LRP1B: variants seen among roughly 807,000 people sequenced by gnomAD.
The protein encoded by LRP1B is LDL receptor related protein 1B.
Under a neutral mutation model 556.6 loss-of-function variants are expected in LRP1B, and 217 were observed. That is an observed-to-expected ratio of 0.39 (90% CI 0.35 to 0.44). LRP1B has a LOEUF of 0.44. Ranked by LOEUF, LRP1B falls within the 20% of genes least tolerant of loss-of-function variation. The pLI is 1.00. For synonymous variants in LRP1B, 2,047 were observed against 1,865.8 expected (o/e 1.10, Z -2.50); for missense variants, 5,053 against 5,620.8 (o/e 0.90, Z 3.23).
At chr2:141,785,113 C>T (rs6706864) in intron 2 of LRP1B, among the ~76,000 whole-genome samples, 4 of 151,832 alleles carry the variant, frequency 2.6e-5, no homozygotes, top group Non-Finnish European at 5.9e-5. Flanking sequence ...TCAGCAGAGA[C>T]ACATGACTAG....
At chr2:140,875,811 G>A (rs905770814) in intron 25 of LRP1B, among the ~76,000 whole-genome samples, 7 of 152,082 alleles carry the variant, frequency 4.6e-5, no homozygotes, top group Admixed American at 4.6e-4. Context: ...TTATTGGTAT[G>A]TGTTCAAAAA....
intron 20 of LRP1B, among the ~76,000 whole-genome samples, chr2:140,934,769 T>A (rs1277340303): frequency 6.6e-6 from 1 of 152,098 alleles, no homozygotes; most frequent in Admixed American, 6.6e-5. Context: ...CCTCTCTCCA[T>A]CGTTACAAGT....
chr2:141,508,902 C>T lies in LRP1B; in HGVS notation c.206-28369G>A, dbSNP rs943086474. Among the ~76,000 whole-genome samples, 4 of 152,192 alleles carry T rather than the reference C, an allele frequency of 2.6e-5. No homozygotes were observed. In the East Asian group the frequency reaches 7.7e-4, roughly 29 times the overall value. On this transcript the variant is annotated intron_variant, in intron 2 of 90. Coordinates refer to ENST00000389484, the MANE Select transcript of LRP1B (RefSeq NM_018557.3). Reference sequence around the variant, plus strand: ...AGATAATTTGTCCTGATATAAAGTGCTTTCTCCAACAATTAGAGAAATATA... The same window carrying T: ...AGATAATTTGTCCTGATATAAAGTGTTTTCTCCAACAATTAGAGAAATATA...
intron 46 of LRP1B, among the ~76,000 whole-genome samples, chr2:140,535,275 T>C (rs1250433728): frequency 1.3e-5 from 2 of 152,184 alleles, no homozygotes; most frequent in Non-Finnish European, 2.9e-5. Context: ...AGTCAACTTA[T>C]AGTAAATGCA....
In LRP1B at chr2:140,855,493, G is replaced by GGAA. The variant is rs570169727; in HGVS notation, c.4580-3711_4580-3710insTTC. ...GACAGGTAGGTCCCATCTCTACTGG[G>GGAA]AAAAAAAAAAAATTTGAATGGCTTC... On this transcript the variant is annotated intron_variant, in intron 27 of 90. Transcript: ENST00000389484. 4.0e-5 allele frequency among the ~76,000 whole-genome samples: 4 copies of GGAA among 99,404 alleles called. 1 individual carries two copies. The highest frequency in any genetic ancestry group is 1.1e-4 in the Admixed American group (1 of 9,388). 65.2% of individuals were successfully genotyped at this position (99,404 alleles called of 152,430 possible). A position where few individuals can be genotyped will look rare whatever the true frequency, so the allele number is the denominator to read the frequency against.
At chr2:140,985,794 A>G (rs1443264423) in intron 17 of LRP1B, among the ~76,000 whole-genome samples, 3 of 151,968 alleles carry the variant, frequency 2.0e-5, no homozygotes, top group Admixed American at 6.6e-5. Flanking sequence ...TATAGGAAAT[A>G]ATATCATTAA....
In LRP1B at chr2:140,743,401, G is replaced by C. The variant is rs371296620; in HGVS notation, c.5758+25812C>G. 2.6e-5 allele frequency among the ~76,000 whole-genome samples: 4 copies of C among 152,172 alleles called. No individual in the cohort carries two copies. The East Asian group carries it at 7.7e-4, about 29-fold the overall frequency. ...AGAGATTGGAAAAACAGAGAGATTGGAAAAACATACTCTAGATTCAGAATT... is the reference window on the plus strand; with the variant it reads ...AGAGATTGGAAAAACAGAGAGATTGCAAAAACATACTCTAGATTCAGAATT... On this transcript the variant is annotated intron_variant, in intron 35 of 90. Coordinates refer to ENST00000389484, the MANE Select transcript of LRP1B (RefSeq NM_018557.3).
intron 66 of LRP1B, among the ~76,000 whole-genome samples, chr2:140,407,867 A>T (rs1429121076): frequency 6.6e-6 from 1 of 152,050 alleles, no homozygotes; most frequent in Non-Finnish European, 1.5e-5. Flanking sequence ...TATGAAAAAG[A>T]CACATGCACA....
chr2:142,060,580 G>GA (rs1342098321), intron 1 of LRP1B, among the ~76,000 whole-genome samples: 1 of 151,980 alleles, frequency 6.6e-6, no homozygotes, highest in African/African-American at 2.4e-5. Flanking sequence ...GTTTAACACA[G>GA]GAAAAATGGC....
intron 62 of LRP1B, among the ~76,000 whole-genome samples, chr2:140,455,809 A>G (rs1368201931): frequency 6.6e-6 from 1 of 152,176 alleles, no homozygotes; most frequent in African/African-American, 2.4e-5. Flanking sequence ...GACAAAATAT[A>G]GTTTGACAGT....
intron 3 of LRP1B, among the ~76,000 whole-genome samples, chr2:141,318,521 A>T (rs1025865612): frequency 6.6e-6 from 1 of 152,152 alleles, no homozygotes; most frequent in Non-Finnish European, 1.5e-5. Flanking sequence ...CTTTTAAAAT[A>T]TGTACAGAAA....
Position 140,874,995 on chromosome 2 carries a change from G to A in LRP1B, c.4170-6732C>T, listed in dbSNP as rs545265754. 1.6e-3 allele frequency among the ~76,000 whole-genome samples: 243 copies of A among 150,580 alleles called. 1 individual carries two copies. Among genetic ancestry groups the A allele is most frequent in the African/African-American group, 5.8e-3 (238 of 40,752 alleles). On this transcript the variant is annotated intron_variant, in intron 25 of 90. Coordinates refer to ENST00000389484, the MANE Select transcript of LRP1B (RefSeq NM_018557.3). ...ATCGTGCCATTGCCCTATACCCTGTGCAACAAAAGCAAAACTCTGTCTCAA... is the reference window on the plus strand; with the variant it reads ...ATCGTGCCATTGCCCTATACCCTGTACAACAAAAGCAAAACTCTGTCTCAA...
At chr2:140,268,953 A>T (rs2104941303) in intron 86 of LRP1B, among the ~76,000 whole-genome samples, 1 of 152,120 alleles carries the variant, frequency 6.6e-6, no homozygotes, top group South Asian at 2.1e-4. Context: ...CAAATATAGC[A>T]TATGGAAGTA....
chr2:141,796,342 A>ATT (rs1004911223), intron 2 of LRP1B, among the ~76,000 whole-genome samples: 1 of 152,036 alleles, frequency 6.6e-6, no homozygotes, highest in Non-Finnish European at 1.5e-5. Context: ...AAGGTAAACT[A>ATT]TTTGCACACA....
chr2:140,558,560 G>A (rs1302662970), intron 43 of LRP1B, among the ~76,000 whole-genome samples: 4 of 152,136 alleles, frequency 2.6e-5, no homozygotes, highest in African/African-American at 7.2e-5. Context: ...CTATAAGGAA[G>A]TAGATACCTG....
At chr2:140,315,723 T>C (rs1303384023) in intron 82 of LRP1B, among the ~76,000 whole-genome samples, 1 of 152,220 alleles carries the variant, frequency 6.6e-6, no homozygotes, top group Non-Finnish European at 1.5e-5. Context: ...AAGAAAACTT[T>C]AAATTTGTAA....
chr2:140,722,347 C>T (rs569068270), intron 35 of LRP1B, among the ~76,000 whole-genome samples: 1 of 152,240 alleles, frequency 6.6e-6, no homozygotes, highest in East Asian at 1.9e-4. Context: ...TGGATACCTA[C>T]CCGGAGGTAA....
intron 3 of LRP1B, among the ~76,000 whole-genome samples, chr2:141,352,539 T>C (rs1325162958): frequency 6.6e-6 from 1 of 151,966 alleles, no homozygotes; most frequent in East Asian, 1.9e-4. Flanking sequence ...CTGGTCTATC[T>C]AACTGATGGC....
chr2:141,267,353 T>A (rs1573732657), intron 3 of LRP1B, among the ~76,000 whole-genome samples: 2 of 152,300 alleles, frequency 1.3e-5, no homozygotes, highest in African/African-American at 4.8e-5. Flanking sequence ...TATCTTGATA[T>A]GTTTATATGA....
Sources: gnomAD v4.1 joint callset for allele counts (sites outside exome capture counted in the v4.1 genomes callset) on GRCh38, gnomAD v4.1.1 for gene constraint, MANE v1.5 for transcripts, NCBI Gene and HGNC (gene_info 2026-07-23, HGNC 2026-07-21) for gene names.